SVEP1: variants seen among roughly 807,000 people sequenced by gnomAD.
SVEP1 encodes sushi, von Willebrand factor type A, EGF and pentraxin domain-containing protein 1.
A neutral mutation model predicts 367.3 loss-of-function variants in SVEP1; 164 were observed. The ratio of observed to expected loss-of-function variants is 0.45; its 90% CI spans 0.39 to 0.51. The LOEUF is 0.51. Ranked by LOEUF, SVEP1 falls within the 20% of genes least tolerant of loss-of-function variation. SVEP1 has a pLI of 0.00. For synonymous variants in SVEP1, 1,666 were observed against 1,611.6 expected (o/e 1.03, Z -0.81); for missense variants, 4,117 against 4,425.3 (o/e 0.93, Z 1.98).
chr9:110,405,191 T>C (rs1827936506), intron 38 of SVEP1, among the ~76,000 whole-genome samples: 1 of 152,164 alleles, frequency 6.6e-6, no homozygotes. Context: ...AGCTAACAGT[T>C]CAGGAAATTC....
At chr9:110,385,808 C>G (rs1288484515) in intron 43 of SVEP1, 90 bp downstream of exon 43, 1 of 1,397,054 alleles carries the variant, frequency 7.2e-7, no homozygotes, top group African/African-American at 1.4e-5. Flanking sequence ...TAAGTATCTA[C>G]AACTAAGTGA....
rs1554715856 is a variant in SVEP1, at chr9:110,448,148, TGC to T, written c.4104-1093_4104-1092del. 3.0e-4 allele frequency among the ~76,000 whole-genome samples: 21 copies of T among 69,472 alleles called. No homozygotes were observed. The East Asian group carries it at 5.0e-3, about 17-fold the overall frequency. 45.6% of individuals were successfully genotyped at this position (69,472 alleles called of 152,430 possible). ...AAGTGAATGTGTGTGTGTGTGTGTG[TGC>T]GCGTGTGTGTGTGCGCGCGCTCGCG... On this transcript the variant is annotated intron_variant, in intron 24 of 47. Transcript: ENST00000374469.
intron 14 of SVEP1, chr9:110,475,752 A>G (rs1829089887): frequency 6.3e-6 from 1 of 157,484 alleles, no homozygotes; most frequent in African/African-American, 2.4e-5. Flanking sequence ...AAACATCAAA[A>G]TTCCACTTAA....
intron 21 of SVEP1, among the ~76,000 whole-genome samples, chr9:110,455,956 G>T (rs775256737): frequency 1.9e-4 from 29 of 152,180 alleles, no homozygotes; most frequent in Non-Finnish European, 1.6e-4. Context: ...TGGGGTAGGA[G>T]CACTTGGAAG....
At chr9:110,423,169 A>AAAAAAAAAAAAAAAG (rs1828197701) in intron 36 of SVEP1, among the ~76,000 whole-genome samples, 1 of 35,598 alleles carries the variant, frequency 2.8e-5, no homozygotes, top group African/African-American at 1.7e-4. Flanking sequence ...AAAATAAAGT[A>AAAAAAAAAAAAAAAG]AAAAAAAAAA....
At chr9:110,409,198 G>A (rs1261112223) in intron 37 of SVEP1, among the ~76,000 whole-genome samples, 1 of 152,138 alleles carries the variant, frequency 6.6e-6, no homozygotes, top group Non-Finnish European at 1.5e-5. Flanking sequence ...CACTTTGGGA[G>A]GCCGAGGCAG....
intron 1 of SVEP1, among the ~76,000 whole-genome samples, chr9:110,576,786 A>G (rs951793280): frequency 3.9e-5 from 6 of 152,098 alleles, no homozygotes; most frequent in Admixed American, 3.9e-4. Flanking sequence ...AAAATCTACA[A>G]CTTTGTTAAA....
Position 110,389,565 on chromosome 9 carries a change from T to C in SVEP1, c.9845A>G (p.Gln3282Arg). 1.2e-6 allele frequency: 2 copies of C among 1,613,820 alleles called. No homozygotes were observed. Among genetic ancestry groups the C allele is most frequent in the South Asian group, 1.1e-5 (1 of 91,076 alleles). The change falls in exon 41 of 48, where the codon CAG becomes CGG. Residue 3282 changes from glutamine to arginine, a missense_variant. This residue lies in a region of SVEP1 where 1,765 missense variants were observed against 1,781.1 expected (regional missense o/e 0.99). Coordinates refer to ENST00000374469, the MANE Select transcript of SVEP1 (RefSeq NM_153366.4). ...CCCTCCACTCCACTGTCTGTTCTCC[T>C]GGCAGACACGTTCCCTGTTCCCCTG... ...ELEGNRERVC[Q>R]ENRQWSGGVA...
chr9:110,449,253 A>G (rs1198084224), intron 24 of SVEP1, among the ~76,000 whole-genome samples: 3 of 152,032 alleles, frequency 2.0e-5, no homozygotes, highest in Non-Finnish European at 4.4e-5. Flanking sequence ...CCCCTCAAAT[A>G]CTACTATTTT....
At chr9:110,567,608 G>T (rs374801927) in intron 1 of SVEP1, among the ~76,000 whole-genome samples, 1 of 152,200 alleles carries the variant, frequency 6.6e-6, no homozygotes, top group African/African-American at 2.4e-5. Context: ...CCCACTTCCA[G>T]TACTGCACCT....
At chr9:110,423,160 A>G (rs1231133633) in intron 36 of SVEP1, among the ~76,000 whole-genome samples, 1 of 127,346 alleles carries the variant, frequency 7.9e-6, no homozygotes, top group Admixed American at 8.1e-5. Flanking sequence ...AAAAATAAAA[A>G]AATAAAGTAA....
At chr9:110,470,011 G>T (rs140821357) in intron 16 of SVEP1, among the ~76,000 whole-genome samples, 1 of 152,164 alleles carries the variant, frequency 6.6e-6, no homozygotes, top group African/African-American at 2.4e-5. Flanking sequence ...TGGAAGAAGG[G>T]CACAAGAACC....
rs1468995502 is a variant in SVEP1 at position 110,403,711 on chromosome 9, T to C, written c.9666+616A>G. Among the ~76,000 whole-genome samples, 4 of 152,106 alleles carry C rather than the reference T, an allele frequency of 2.6e-5. No homozygotes were observed. In the East Asian group the frequency reaches 7.8e-4, roughly 30 times the overall value. Reference sequence around the variant, plus strand: ...ATCATAAATCTTATGTGCAAAAGAATGTCTATGCATAGAAATCAGCCATGG... The same window carrying C: ...ATCATAAATCTTATGTGCAAAAGAACGTCTATGCATAGAAATCAGCCATGG... On this transcript the variant is annotated intron_variant, in intron 39 of 47. Transcript: ENST00000374469.
intron 26 of SVEP1, among the ~76,000 whole-genome samples, chr9:110,445,582 C>T (rs532050653): frequency 6.6e-6 from 1 of 152,306 alleles, no homozygotes; most frequent in African/African-American, 2.4e-5. Flanking sequence ...CTCCTCAGGT[C>T]ATTGTGACTA....
At chr9:110,410,073 C>T (rs1317862788) in intron 37 of SVEP1, among the ~76,000 whole-genome samples, 1 of 125,846 alleles carries the variant, frequency 7.9e-6, no homozygotes, top group Non-Finnish European at 1.6e-5. Flanking sequence ...TAAATGAACA[C>T]CTCTCTACTT....
rs762637023 is a variant in SVEP1, at chr9:110,503,047, G to A, written c.1474C>T (p.Arg492Trp). 17 of 1,603,320 alleles carry A rather than the reference G, an allele frequency of 1.1e-5. 1 individual carries two copies. The highest frequency in any genetic ancestry group is 4.4e-5 in the South Asian group (4 of 90,288). ...GNSQWDGPEP[R>W]CVERHCSTFQ... ...CCTTCTAGAAACTTACCCACACACC[G>A]GGGTTCTGGCCCATCCCACTGGCTG... Residue 492 changes from arginine to tryptophan, a missense_variant, in exon 6 of 48, where the codon CGG (arginine) becomes TGG (tryptophan). By Grantham distance (101) the Arg-to-Trp change is moderately radical (BLOSUM62 -3). This residue lies in a region of SVEP1 where 2,174 missense variants were observed against 2,494.3 expected (regional missense o/e 0.87). Coordinates refer to ENST00000374469, the MANE Select transcript of SVEP1 (RefSeq NM_153366.4).
chr9:110,450,467 G>GTTTTTTTTTTTTTTTTTTTTTT (rs10656079), intron 23 of SVEP1, among the ~76,000 whole-genome samples: 1 of 102,106 alleles, frequency 9.8e-6, no homozygotes, highest in Non-Finnish European at 1.9e-5. Context: ...TTGATAATCT[G>GTTTTTTTTTTTTTTTTTTTTTT]TTTTTTTTTT....
At chr9:110,438,657 A>G (rs532555113) in intron 27 of SVEP1, among the ~76,000 whole-genome samples, 1 of 152,322 alleles carries the variant, frequency 6.6e-6, no homozygotes, top group Admixed American at 6.5e-5. Context: ...AATTATACGT[A>G]TGTTTGAATT....
At chr9:110,512,658 T>A (rs190112297) in intron 5 of SVEP1, 147 of 475,420 alleles carry the variant, frequency 3.1e-4, no homozygotes, top group Middle Eastern at 1.8e-3. Context: ...GCTTGAAATT[T>A]GAGGTTTGGG....
Sources: allele counts gnomAD v4.1 joint callset (sites outside exome capture counted in the v4.1 genomes callset), GRCh38; gene constraint gnomAD v4.1.1; regional missense constraint gnomAD v4.1.1; transcripts MANE v1.5; gene names NCBI Gene and HGNC (gene_info 2026-07-23, HGNC 2026-07-21).